The following SURF2 variants were observed in gnomAD, a reference collection of about 807,000 sequenced individuals.
SURF2 encodes surfeit locus protein 2.
In SURF2, 32 loss-of-function variants were observed where a neutral mutation model predicts 26.2. That is an observed-to-expected ratio of 1.22 (90% CI 0.92 to 1.64). The LOEUF (loss-of-function observed/expected upper bound fraction) is 1.64, where lower values mean the gene tolerates loss of function less well. Among genes scored for constraint, SURF2 ranks in the 40% most tolerant of loss-of-function variants. The pLI is 0.00. For missense variants in SURF2, 415 were observed against 341.6 expected (o/e 1.21, Z -1.69); for synonymous variants, 173 against 139.1 (o/e 1.24, Z -1.71).
At position 133,357,022 on chromosome 9, in the gene SURF2, G is replaced by C. The variant is rs1836623679; in HGVS notation, c.187G>C (p.Asp63His). The C allele has an allele frequency of 6.3e-7, 1 of 1,575,294 alleles. No individual in the cohort carries two copies. Among genetic ancestry groups the C allele is most frequent in the Non-Finnish European group, 8.6e-7 (1 of 1,162,004 alleles). ...GCTGGTCCGCGCCTCCCCGGCCTTC[G>C]ACTATGCAGAGTTCGAGCCGCACAT... ...QRLVRASPAF[D>H]YAEFEPHIVP... Residue 63 changes from aspartate to histidine, a missense_variant, in exon 2 of 6, where the codon GAC becomes CAC. Asp to His is a moderately conservative substitution (Grantham distance 81). Transcript: ENST00000371964.
intron 3 of SURF2, among the ~76,000 whole-genome samples, chr9:133,359,272 G>A (rs1174752631): frequency 1.3e-5 from 2 of 152,188 alleles, no homozygotes. Context: ...GTGGGTGGCA[G>A]AGACAAGGAG....
At chr9:133,359,888 C>T in intron 3 of SURF2, 62 bp from the exon 4 acceptor site, 1 of 1,521,298 alleles carries the variant, frequency 6.6e-7, no homozygotes, top group Non-Finnish European at 8.9e-7. Context: ...CATAAGTTAG[C>T]TGTGGCCCAG....
At chr9:133,360,164 C>G in intron 4 of SURF2, 35 bp downstream of exon 4, 1 of 1,590,914 alleles carries the variant, frequency 6.3e-7, no homozygotes, top group Non-Finnish European at 8.6e-7. Context: ...CCCTGACCCT[C>G]TACTGTCAGC....
rs2130055603 is a variant in SURF2 at position 133,360,954 on chromosome 9, G to C, written c.688-102G>C. 2.8e-5 allele frequency: 34 copies of C among 1,233,820 alleles called. No individual in the cohort carries two copies. In the Admixed American group the frequency reaches 3.9e-4, roughly 14 times the overall value. The allele number at this position is 1,233,820 out of a possible 1,614,324, so 76.4% of individuals were successfully genotyped here. Reference sequence around the variant, plus strand: ...AGAAAGCCTCTGTGGGTATTTGACCGACACCTCTGAGGCTGTGTGGGTGGG... The same window carrying C: ...AGAAAGCCTCTGTGGGTATTTGACCCACACCTCTGAGGCTGTGTGGGTGGG... On this transcript the variant is annotated intron_variant, in intron 5 of 5. Transcript: ENST00000371964.
At chr9:133,359,913 T>G (rs1588697381) in intron 3 of SURF2, 37 bp from the exon 4 acceptor site, 1 of 1,563,914 alleles carries the variant, frequency 6.4e-7, no homozygotes, top group Middle Eastern at 1.8e-4. Flanking sequence ...CCGTGGGGGG[T>G]GTGGAGGTAC....
At chr9:133,360,935 C>T in intron 5 of SURF2, 121 bp from the exon 6 acceptor site, 1 of 1,010,544 alleles carries the variant, frequency 9.9e-7, no homozygotes, top group South Asian at 1.4e-5. Flanking sequence ...GTGGAGAAAG[C>T]CTCTGTGGGT....
intron 3 of SURF2, 129 bp downstream of exon 3, chr9:133,357,943 G>T: frequency 1.2e-6 from 1 of 851,434 alleles, no homozygotes; most frequent in Non-Finnish European, 1.9e-6. Flanking sequence ...CTGTTTTTTG[G>T]CACAGTGAAG....
chr9:133,358,436 T>G (rs1056495087), intron 3 of SURF2, among the ~76,000 whole-genome samples: 6 of 152,060 alleles, frequency 3.9e-5, no homozygotes, highest in African/African-American at 1.2e-4. Flanking sequence ...AGAGTCCCTT[T>G]GAAGGTTTTA....
At chr9:133,357,444 A>T (rs2130034234) in intron 2 of SURF2, among the ~76,000 whole-genome samples, 14 of 152,310 alleles carry the variant, frequency 9.2e-5, no homozygotes, top group African/African-American at 3.4e-4. Flanking sequence ...CCCTTGCTCC[A>T]GGTGGAGCCA....
rs1249272528 is a variant in SURF2, at chr9:133,361,126, A to G, written c.758A>G (p.Lys253Arg). Reference protein sequence around the residue: ...HRKPKSFSSCKQPG With the variant: ...HRKPKSFSSCRQPG ...AAACCCAAGAGCTTCAGCTCCTGTA[A>G]ACAGCCAGGTTAATAAAAGCACATG... is the stretch of plus-strand genomic sequence containing the variant. Residue 253 changes from lysine to arginine, a missense_variant, in exon 6 of 6, where the codon AAA (lysine) becomes AGA (arginine). Lys to Arg is a conservative substitution (Grantham distance 26). Coordinates refer to ENST00000371964, the MANE Select transcript of SURF2 (RefSeq NM_017503.5). The G allele has an allele frequency of 6.2e-7, 1 of 1,614,184 alleles. No homozygotes were observed. The highest frequency in any genetic ancestry group is 2.2e-5 in the East Asian group (1 of 44,892).
chr9:133,359,865 C>T lies in SURF2; in HGVS notation c.338-85C>T, dbSNP rs1166068254. The stretch of plus-strand genomic sequence containing the variant: ...GGCGGTGGGGCTGTGGGGCCCTGGC[C>T]GAGTGCAGTCCTCATAAGTTAGCTG... On this transcript the variant is annotated intron_variant, in intron 3 of 5. Transcript: ENST00000371964. 4.8e-6 allele frequency: 7 copies of T among 1,453,186 alleles called. No individual in the cohort carries two copies. The South Asian group carries it at 5.5e-5, about 11-fold the overall frequency. The allele number at this position is 1,453,186 out of a possible 1,614,324, so 90.0% of individuals were successfully genotyped here. A position where few individuals can be genotyped will look rare whatever the true frequency, so the allele number is the denominator to read the frequency against.
intron 2 of SURF2, chr9:133,357,329 A>G (rs1401893164): frequency 3.9e-6 from 2 of 515,780 alleles, no homozygotes; most frequent in Admixed American, 3.8e-5. Flanking sequence ...GGTTGTGAAC[A>G]GCGTTGGGTT....
chr9:133,359,725 C>T (rs2130043725), intron 3 of SURF2, among the ~76,000 whole-genome samples: 65 of 152,338 alleles, frequency 4.3e-4, no homozygotes, highest in Admixed American at 6.5e-4. Flanking sequence ...GTAAAGGCCC[C>T]GTAGACCTCT....
At chr9:133,360,541 G>C in intron 5 of SURF2, 107 bp downstream of exon 5, 1 of 1,332,442 alleles carries the variant, frequency 7.5e-7, no homozygotes, top group Non-Finnish European at 9.9e-7. Flanking sequence ...GAAATCCCAA[G>C]CCAACAACAC....
chr9:133,358,644 G>T (rs1023624165), intron 3 of SURF2, among the ~76,000 whole-genome samples: 6 of 152,134 alleles, frequency 3.9e-5, no homozygotes, highest in Non-Finnish European at 7.3e-5. Flanking sequence ...AAGGGAAGAT[G>T]AGGACAGAAA....
rs2130049560 is a variant in SURF2, at chr9:133,360,265, C to CT, written c.519dup (p.Glu174Ter). On this transcript the variant is annotated frameshift_variant and splice_region_variant, in exon 5 of 6. Transcript: ENST00000371964. LOFTEE classifies it high-confidence loss of function. ...CAGCCAATCCCTGTGTTCCTCCCAG[C>CT]TGAGCTATTCACCAGAAAGGACCTT... The CT allele has an allele frequency of 1.9e-5, 30 of 1,613,360 alleles. No homozygotes were observed. Among genetic ancestry groups the CT allele is most frequent in the Non-Finnish European group, 1.9e-5 (23 of 1,179,680 alleles).
intron 5 of SURF2, 85 bp from the exon 6 acceptor site, chr9:133,360,971 G>GT: frequency 7.1e-7 from 1 of 1,406,582 alleles, no homozygotes; most frequent in South Asian, 1.2e-5. Flanking sequence ...CTGAGGCTGT[G>GT]TGGGTGGGGA....
intron 3 of SURF2, among the ~76,000 whole-genome samples, chr9:133,359,160 G>A (rs919913869): frequency 3.3e-5 from 5 of 152,180 alleles, no homozygotes; most frequent in South Asian, 2.1e-4. Context: ...CTGGGGCGCC[G>A]AGGTCACTGC....
intron 1 of SURF2, 62 bp from the exon 2 acceptor site, chr9:133,356,852 A>AG (rs1836613555): frequency 3.4e-6 from 5 of 1,476,788 alleles, no homozygotes; most frequent in Non-Finnish European, 4.5e-6. Context: ...GCGCGGCAGG[A>AG]GGGGGCACCA....
Sources: allele counts gnomAD v4.1 joint callset (sites outside exome capture counted in the v4.1 genomes callset), GRCh38; gene constraint gnomAD v4.1.1; transcripts MANE v1.5; gene names NCBI Gene and HGNC (gene_info 2026-07-23, HGNC 2026-07-21).